TFIP11: variants seen among roughly 807,000 people sequenced by gnomAD.
TFIP11 encodes tuftelin interacting protein 11.
Under a neutral mutation model 96.8 loss-of-function variants are expected in TFIP11, and 86 were observed. The ratio of observed to expected loss-of-function variants is 0.89; its 90% confidence interval spans 0.75 to 1.06. The LOEUF is 1.06. Ranked by LOEUF, TFIP11 falls within the 50% of genes least tolerant of loss-of-function variation. The pLI is 0.00. For missense variants in TFIP11, 881 were observed against 1,076.7 expected, an observed-to-expected ratio of 0.82 and a Z score of 2.54; for synonymous variants, 405 against 395.2, an observed-to-expected ratio of 1.02 and a Z score of -0.29.
chr22:26,499,966 C>G (rs1417763332), intron 8 of TFIP11, among the ~76,000 whole-genome samples: 1 of 151,758 alleles, frequency 6.6e-6, no homozygotes, highest in African/African-American at 2.4e-5. Context: ...CTGTACTGAT[C>G]AAAGAAGGTA....
At chr22:26,493,087 T>C (rs1921428764) in intron 14 of TFIP11, 1 of 151,986 alleles carries the variant, frequency 6.6e-6, no homozygotes, top group African/African-American at 2.4e-5. Flanking sequence ...AGTGCAGTGC[T>C]TGCAATCTCG....
chr22:26,494,331 C>A (rs1221835056), intron 13 of TFIP11, 27 bp from the exon 14 acceptor site: 1 of 1,613,954 alleles, frequency 6.2e-7, no homozygotes, highest in Admixed American at 1.7e-5. Context: ...TTACTTGCAT[C>A]CATCGTGGCA....
intron 8 of TFIP11, among the ~76,000 whole-genome samples, chr22:26,500,481 A>G (rs1397795271): frequency 6.6e-6 from 1 of 152,168 alleles, no homozygotes; most frequent in Non-Finnish European, 1.5e-5. Context: ...TTAATTTTAA[A>G]ACAAAATAAA....
chr22:26,495,153 C>T (rs1005705982), intron 12 of TFIP11, among the ~76,000 whole-genome samples: 5 of 149,408 alleles, frequency 3.3e-5, no homozygotes, highest in East Asian at 4.1e-4. Flanking sequence ...TTAGAGACAG[C>T]GTTTTGGCAT....
intron 4 of TFIP11, among the ~76,000 whole-genome samples, chr22:26,508,846 A>G (rs1423866846): frequency 6.7e-6 from 1 of 148,350 alleles, no homozygotes; most frequent in East Asian, 1.9e-4. Flanking sequence ...TTCATCTCAA[A>G]AAAAAAAAAA....
chr22:26,491,551 T>G lies in TFIP11; in HGVS notation c.*462A>C, dbSNP rs752027040. The G allele has an allele frequency of 1.7e-5, 27 of 1,614,092 alleles. No individual in the cohort carries two copies. Among genetic ancestry groups the G allele is most frequent in the Non-Finnish European group, 8.5e-6 (10 of 1,180,028 alleles). ...GATACCTCTGTCCACTGGTTCCCTG[T>G]GCAAAAGCTAGAACAGCTCTCCATA... On this transcript the variant is annotated 3_prime_UTR_variant, in exon 15 of 15. Coordinates refer to ENST00000407690, the MANE Select transcript of TFIP11 (RefSeq NM_012143.4).
At chr22:26,498,515 C>T (rs1922345281) in intron 10 of TFIP11, among the ~76,000 whole-genome samples, 1 of 146,470 alleles carries the variant, frequency 6.8e-6, no homozygotes. Flanking sequence ...TGCACTCCAG[C>T]CTGGTGACAG....
intron 8 of TFIP11, among the ~76,000 whole-genome samples, chr22:26,501,169 C>T (rs1247171302): frequency 6.6e-6 from 1 of 152,190 alleles, no homozygotes; most frequent in East Asian, 1.9e-4. Flanking sequence ...GCGTGAGCCA[C>T]CATCCCCAGC....
chr22:26,494,016 G>T, intron 14 of TFIP11, 123 bp downstream of exon 14: 1 of 1,112,174 alleles, frequency 9.0e-7, no homozygotes, highest in Non-Finnish European at 1.3e-6. Flanking sequence ...GTTGCTATGT[G>T]CAAAAGTGTG....
At chr22:26,496,684 T>C (rs1922096534) in intron 11 of TFIP11, 37 bp downstream of exon 11, 2 of 1,607,358 alleles carry the variant, frequency 1.2e-6, no homozygotes, top group South Asian at 2.2e-5. Context: ...TCCCTGTGAT[T>C]AGTGATGACG....
chr22:26,491,512 T>C lies in TFIP11; in HGVS notation c.*501A>G. 1.9e-6 allele frequency: 3 copies of C among 1,614,092 alleles called. No individual in the cohort carries two copies. The highest frequency in any genetic ancestry group is 2.5e-6 in the Non-Finnish European group (3 of 1,180,008). On this transcript the variant is annotated 3_prime_UTR_variant, in exon 15 of 15. Coordinates refer to ENST00000407690, the MANE Select transcript of TFIP11 (RefSeq NM_012143.4). ...GAGTTTCCTCAGACTTCACAATACA[T>C]GGACATATTTAATGATACCTCTGTC...
chr22:26,504,339 C>T lies in TFIP11; in HGVS notation c.521-546G>A, dbSNP rs1923156985. The stretch of plus-strand genomic sequence containing the variant: ...GTTTACGAATAGGACCACAACATTT[C>T]AATGAAGACGTTCCCCTGACTCCAA... On this transcript the variant is annotated intron_variant, in intron 6 of 14. Transcript: ENST00000407690. Among the ~76,000 whole-genome samples, 3 of 152,132 alleles carry T rather than the reference C, an allele frequency of 2.0e-5. No individual in the cohort carries two copies. The South Asian group carries it at 6.2e-4, about 31-fold the overall frequency.
At chr22:26,502,770 T>C (rs1362186196) in intron 7 of TFIP11, among the ~76,000 whole-genome samples, 13 of 152,146 alleles carry the variant, frequency 8.5e-5, no homozygotes, top group African/African-American at 2.9e-4. Context: ...CACATCCTCA[T>C]AAGCAACAAT....
intron 7 of TFIP11, 45 bp from the exon 8 acceptor site, chr22:26,502,097 T>C (rs750823914): frequency 2.2e-5 from 35 of 1,612,886 alleles, no homozygotes; most frequent in Admixed American, 1.2e-4. Context: ...AACAACCACT[T>C]TTTACCACAG....
chr22:26,496,416 G>A (rs1922054056), intron 11 of TFIP11, 100 bp from the exon 12 acceptor site: 1 of 1,467,016 alleles, frequency 6.8e-7, no homozygotes, highest in African/African-American at 1.4e-5. Flanking sequence ...AGGAGGCCCT[G>A]TGCTCTCTGA....
chr22:26,512,309 A>T (rs1416395435), intron 1 of TFIP11, 85 bp downstream of exon 1: 1 of 152,048 alleles, frequency 6.6e-6, no homozygotes, highest in Non-Finnish European at 1.5e-5. Context: ...CCACACCCCA[A>T]CGGCTTGGAC....
rs1922039740 is a variant in TFIP11 at position 26,496,317 on chromosome 22, C to T, written c.1606-1G>A. 6.3e-7 allele frequency: 1 copy of T among 1,591,254 alleles called. No homozygotes were observed. The highest frequency in any genetic ancestry group is 8.6e-7 in the Non-Finnish European group (1 of 1,164,016). Reference sequence around the variant, plus strand: ...CTGTGAGCGGGTTCCAGTTTTCCACCTGCGAAGTGGGGAGGAGAAACAGTT... The same window carrying T: ...CTGTGAGCGGGTTCCAGTTTTCCACTTGCGAAGTGGGGAGGAGAAACAGTT... On this transcript the variant is annotated splice_acceptor_variant, in intron 11 of 14. Transcript: ENST00000407690. LOFTEE classifies it high-confidence loss of function.
chr22:26,499,587 G>A lies in TFIP11; in HGVS notation c.846C>T (p.Tyr282=). ...CGTTGTGCTTGTGGCTGATCTGACT[G>A]TAGCTGTAGTAGACCTTCTGCTCCC... ...TGREQKVYYS[Y]SQISHKHNVP... is the part of the protein sequence containing the mutation. The change falls in exon 9 of 15, where the codon TAC becomes TAT. Residue 282 remains tyrosine, a synonymous_variant. Transcript: ENST00000407690. 1.2e-6 allele frequency: 2 copies of A among 1,613,942 alleles called. No homozygotes were observed. Among genetic ancestry groups the A allele is most frequent in the Non-Finnish European group, 1.7e-6 (2 of 1,180,006 alleles).
intron 5 of TFIP11, 104 bp from the exon 6 acceptor site, chr22:26,506,563 T>C: frequency 6.9e-7 from 1 of 1,439,608 alleles, no homozygotes; most frequent in South Asian, 1.4e-5. Context: ...TACAGCACTA[T>C]GAAAAGTGTC....
Sources: allele counts gnomAD v4.1 joint callset (sites outside exome capture counted in the v4.1 genomes callset), GRCh38; gene constraint gnomAD v4.1.1; transcripts MANE v1.5; gene names NCBI Gene and HGNC (gene_info 2026-07-23, HGNC 2026-07-21).